The following POU2F1 variants were observed in gnomAD, a reference collection of about 807,000 sequenced individuals.
POU2F1 encodes POU class 2 homeobox 1.
In POU2F1, 16 loss-of-function variants were observed where a neutral mutation model predicts 84.9. That is an observed-to-expected ratio of 0.19 (90% confidence interval 0.13 to 0.29). The LOEUF is 0.29. Ranked by LOEUF, POU2F1 falls within the 10% of genes least tolerant of loss-of-function variation. The pLI, the probability that POU2F1 is intolerant of heterozygous loss-of-function variation, is 1.00. For missense variants in POU2F1, 738 were observed against 942.6 expected (o/e 0.78, Z 2.84); for synonymous variants, 368 against 368.3 (o/e 1.00, Z 0.01).
chr1:167,316,923 A>G (rs1018083657), intron 1 of POU2F1, among the ~76,000 whole-genome samples: 5 of 152,082 alleles, frequency 3.3e-5, no homozygotes, highest in Non-Finnish European at 5.9e-5. Context: ...ATGGAGTCTC[A>G]CTCTGTCACC....
chr1:167,374,281 C>G lies in POU2F1; in HGVS notation c.576C>G (p.Pro192=). The G allele has an allele frequency of 6.2e-7, 1 of 1,602,048 alleles. No individual in the cohort carries two copies. Among genetic ancestry groups the G allele is most frequent in the South Asian group, 1.1e-5 (1 of 89,574 alleles). ...TGACGCAGATCCCCCTGTCTCAGCC[C>G]ATACAGATCGCACAGGTGAGTGAGG... is the stretch of plus-strand genomic sequence containing the variant. ...TPMTQIPLSQ[P]IQIAQDLQQL... The change falls in exon 6 of 16, where the codon CCC becomes CCG. Residue 192 remains proline (P), a synonymous_variant. Coordinates refer to ENST00000367866, the MANE Select transcript of POU2F1 (RefSeq NM_002697.4).
At chr1:167,244,629 G>A (rs1430692112) in intron 1 of POU2F1, among the ~76,000 whole-genome samples, 18 of 152,134 alleles carry the variant, frequency 1.2e-4, no homozygotes. Flanking sequence ...AAGGGGAAGG[G>A]GCTACACAAG....
chr1:167,283,014 C>T (rs1369203873), intron 1 of POU2F1, among the ~76,000 whole-genome samples: 1 of 152,206 alleles, frequency 6.6e-6, no homozygotes, highest in African/African-American at 2.4e-5. Context: ...AATAATTGTG[C>T]TTGGCACATG....
chr1:167,393,026 A>G (rs1648536141), intron 9 of POU2F1, among the ~76,000 whole-genome samples: 1 of 152,240 alleles, frequency 6.6e-6, no homozygotes, highest in Admixed American at 6.5e-5. Context: ...AAGGATTACC[A>G]TGGCTGTCTT....
chr1:167,374,392 G>A, intron 6 of POU2F1, 96 bp downstream of exon 6: 2 of 1,185,300 alleles, frequency 1.7e-6, no homozygotes, highest in South Asian at 1.6e-5. Context: ...TTAGTGTGGG[G>A]CCTTAACTGC....
chr1:167,336,948 C>G (rs1657501345), intron 2 of POU2F1, among the ~76,000 whole-genome samples: 1 of 151,996 alleles, frequency 6.6e-6, no homozygotes, highest in African/African-American at 2.4e-5. Context: ...GGCGGATCAC[C>G]TGAGGTCAGG....
intron 2 of POU2F1, among the ~76,000 whole-genome samples, chr1:167,348,812 C>G (rs1658370796): frequency 6.6e-6 from 1 of 152,194 alleles, no homozygotes. Context: ...CTTAGCCACA[C>G]TAAACCTCTC....
At chr1:167,304,938 A>G (rs1162844518) in intron 1 of POU2F1, among the ~76,000 whole-genome samples, 5 of 152,228 alleles carry the variant, frequency 3.3e-5, no homozygotes, top group Admixed American at 6.5e-5. Context: ...AGAAATTAAT[A>G]TAACATTTCA....
intron 1 of POU2F1, among the ~76,000 whole-genome samples, chr1:167,272,403 A>C (rs1284617295): frequency 6.6e-6 from 1 of 151,894 alleles, no homozygotes; most frequent in Non-Finnish European, 1.5e-5. Context: ...AAAAAAAAAA[A>C]AACCATATTC....
chr1:167,231,178 C>G (rs1649037181), intron 1 of POU2F1, among the ~76,000 whole-genome samples: 1 of 152,164 alleles, frequency 6.6e-6, no homozygotes, highest in African/African-American at 2.4e-5. Context: ...ATTTTTCCAA[C>G]CCATAGGATT....
At chr1:167,306,868 G>T (rs1411654634) in intron 1 of POU2F1, among the ~76,000 whole-genome samples, 1 of 152,074 alleles carries the variant, frequency 6.6e-6, no homozygotes, top group South Asian at 2.1e-4. Context: ...CACTAAGGTC[G>T]TATTTACAGG....
chr1:167,328,816 G>T (rs905619918), intron 1 of POU2F1, among the ~76,000 whole-genome samples: 1 of 152,140 alleles, frequency 6.6e-6, no homozygotes, highest in Non-Finnish European at 1.5e-5. Flanking sequence ...ATTATGCAGG[G>T]AGTGCTTTCA....
intron 1 of POU2F1, among the ~76,000 whole-genome samples, chr1:167,253,971 T>G (rs1461010767): frequency 6.6e-6 from 1 of 152,186 alleles, no homozygotes; most frequent in Non-Finnish European, 1.5e-5. Flanking sequence ...CATCTAGGAA[T>G]TTTTATTGGT....
intron 2 of POU2F1, among the ~76,000 whole-genome samples, chr1:167,358,911 CTCTTATTT>C (rs1233773998): frequency 1.3e-5 from 2 of 151,548 alleles, no homozygotes; most frequent in African/African-American, 4.8e-5. Context: ...TGCTCCTTCT[CTCTTATTT>C]TCTTGTTCCA....
intron 14 of POU2F1, among the ~76,000 whole-genome samples, chr1:167,412,638 C>A (rs947480357): frequency 3.9e-5 from 6 of 152,118 alleles, no homozygotes; most frequent in African/African-American, 1.2e-4. Flanking sequence ...CTGCCTACTT[C>A]CTAATTCTCA....
chr1:167,411,016 T>C (rs1392709525), intron 13 of POU2F1, among the ~76,000 whole-genome samples: 2 of 152,124 alleles, frequency 1.3e-5, no homozygotes, highest in Admixed American at 6.5e-5. Flanking sequence ...TCAGGCACTT[T>C]TTTCTAAGAC....
At chr1:167,281,190 G>A (rs934847502) in intron 1 of POU2F1, among the ~76,000 whole-genome samples, 50 of 152,304 alleles carry the variant, frequency 3.3e-4, no homozygotes, top group African/African-American at 1.0e-3. Flanking sequence ...GGGTATTGAC[G>A]AAAGAGTCAA....
chr1:167,380,788 TGTA>T (rs1188194502), intron 7 of POU2F1: 1 of 152,216 alleles, frequency 6.6e-6, no homozygotes, highest in African/African-American at 2.4e-5. Context: ...ACTTTTGAGA[TGTA>T]GTTCATATTT....
At chr1:167,232,210 AT>A (rs1649115116) in intron 1 of POU2F1, among the ~76,000 whole-genome samples, 1 of 152,116 alleles carries the variant, frequency 6.6e-6, no homozygotes, top group African/African-American at 2.4e-5. Context: ...GTTCATACCC[AT>A]TTTGTTCGAG....
Sources: allele counts gnomAD v4.1 joint callset (sites outside exome capture counted in the v4.1 genomes callset), GRCh38; gene constraint gnomAD v4.1.1; transcripts MANE v1.5; gene names NCBI Gene and HGNC (gene_info 2026-07-23, HGNC 2026-07-21).